Variants in AZI2 observed in about 807,000 individuals in gnomAD.
AZI2 encodes the protein 5-azacytidine-induced protein 2.
Under a neutral mutation model 45.8 loss-of-function variants are expected in AZI2, and 22 were observed. The observed-to-expected ratio is 0.48, with a 90% CI of 0.34 to 0.69. AZI2 has a LOEUF of 0.69. AZI2 is among the 30% of genes least tolerant of loss of function. The pLI, the probability that AZI2 is intolerant of heterozygous loss-of-function variation, is 0.01. For synonymous variants in AZI2, 137 were observed against 156.7 expected, an observed-to-expected ratio of 0.87 and a Z score of 0.94; for missense variants, 417 against 441.5, an observed-to-expected ratio of 0.94 and a Z score of 0.50.
intron 1 of AZI2, among the ~76,000 whole-genome samples, chr3:28,346,054 A>G (rs1704211628): frequency 6.6e-6 from 1 of 152,278 alleles, no homozygotes; most frequent in African/African-American, 2.4e-5. Context: ...ACAGCTAATC[A>G]GTGGCAAAGG....
Position 28,338,056 on chromosome 3 carries a change from G to T in AZI2, c.340-20C>A. On this transcript the variant is annotated intron_variant, in intron 3 of 7. Transcript: ENST00000479665. Reference sequence around the variant, plus strand: ...TTTATTCTAGTTAAGTAGGGAAAATGCCAAATTACATTCAATAAAATCTAC... The same window carrying T: ...TTTATTCTAGTTAAGTAGGGAAAATTCCAAATTACATTCAATAAAATCTAC... 1 of 1,388,744 alleles carries T rather than the reference G, an allele frequency of 7.2e-7. No homozygotes were observed. The highest frequency in any genetic ancestry group is 9.9e-7 in the Non-Finnish European group (1 of 1,007,270). The allele number at this position is 1,388,744 out of a possible 1,614,324, so 86.0% of individuals were successfully genotyped here. A position where few individuals can be genotyped will look rare whatever the true frequency, so the allele number is the denominator to read the frequency against.
chr3:28,327,330 C>A (rs1418339668), intron 6 of AZI2, among the ~76,000 whole-genome samples: 4 of 151,064 alleles, frequency 2.6e-5, no homozygotes. Context: ...AAGTTACATT[C>A]ATTCAAATAT....
chr3:28,329,758 T>C (rs1357752640), intron 6 of AZI2, among the ~76,000 whole-genome samples: 5 of 151,220 alleles, frequency 3.3e-5, no homozygotes, highest in African/African-American at 7.3e-5. Context: ...AGTGTGTATT[T>C]TGACAACTGC....
intron 1 of AZI2, chr3:28,341,634 C>G (rs1056616936): frequency 1.3e-5 from 2 of 151,954 alleles, no homozygotes; most frequent in Admixed American, 6.6e-5. Flanking sequence ...GTGGCTAAAA[C>G]CTTTTAAGAC....
At chr3:28,336,445 G>T (rs1703792219) in intron 5 of AZI2, among the ~76,000 whole-genome samples, 1 of 151,952 alleles carries the variant, frequency 6.6e-6, no homozygotes, top group African/African-American at 2.4e-5. Flanking sequence ...AAAGGAAATT[G>T]AAGGAAAGAG....
In AZI2 at chr3:28,339,267, C is replaced by T. The variant is rs906328254; in HGVS notation, c.217-652G>A. On this transcript the variant is annotated intron_variant, in intron 2 of 7. Coordinates refer to ENST00000479665, the MANE Select transcript of AZI2 (RefSeq NM_022461.5). Reference sequence around the variant, plus strand: ...GGCTGGAATTACAGGTGTGAGCCACCGTGCCCAGCCAAGGCATACTTGACT... The same window carrying T: ...GGCTGGAATTACAGGTGTGAGCCACTGTGCCCAGCCAAGGCATACTTGACT... 8.6e-5 allele frequency among the ~76,000 whole-genome samples: 13 copies of T among 151,920 alleles called. No homozygotes were observed. In the East Asian group the frequency reaches 2.1e-3, roughly 25 times the overall value.
chr3:28,343,023 A>C (rs950788924), intron 1 of AZI2, among the ~76,000 whole-genome samples: 2 of 152,108 alleles, frequency 1.3e-5, no homozygotes, highest in African/African-American at 2.4e-5. Flanking sequence ...GTTTTACACA[A>C]ACTTCTAACT....
At chr3:28,331,765 TTAGA>T in intron 6 of AZI2, 2 of 1,479,066 alleles carry the variant, frequency 1.4e-6, no homozygotes. Flanking sequence ...ACAACAATTA[TTAGA>T]TAGCTTAAAA....
At chr3:28,333,500 T>C (rs1274342212) in intron 5 of AZI2, among the ~76,000 whole-genome samples, 3 of 150,932 alleles carry the variant, frequency 2.0e-5, no homozygotes, top group Admixed American at 6.7e-5. Context: ...CCTTGTATCA[T>C]GAATTAAAAT....
chr3:28,340,579 A>T lies in AZI2; in HGVS notation c.39T>A (p.Asn13Lys). The T allele has an allele frequency of 6.2e-7, 1 of 1,612,938 alleles. No homozygotes were observed. Among genetic ancestry groups the T allele is most frequent in the South Asian group, 1.1e-5 (1 of 90,836 alleles). ...ALVEDDICIL[N>K]HEKAHKRDTV... ...TATCTCTCTTATGGGCTTTTTCATG[A>T]TTCAGAATACAGATATCATCTTCTA... Residue 13 changes from asparagine (N) to lysine (K), a missense_variant, in exon 2 of 8, where the codon AAT (asparagine) becomes AAA (lysine). Coordinates refer to ENST00000479665, the MANE Select transcript of AZI2 (RefSeq NM_022461.5).
At chr3:28,341,062 C>A (rs1703997279) in intron 1 of AZI2, among the ~76,000 whole-genome samples, 1 of 151,886 alleles carries the variant, frequency 6.6e-6, no homozygotes, top group African/African-American at 2.4e-5. Flanking sequence ...TTCAAAAGTT[C>A]TTTGAGTATA....
At chr3:28,334,326 C>T (rs1703707715) in intron 5 of AZI2, among the ~76,000 whole-genome samples, 1 of 151,840 alleles carries the variant, frequency 6.6e-6, no homozygotes, top group Admixed American at 6.6e-5. Flanking sequence ...CTCTCCTTGG[C>T]TTCCTCTCAG....
chr3:28,334,890 GT>G (rs1703727304), intron 5 of AZI2, among the ~76,000 whole-genome samples: 1 of 151,846 alleles, frequency 6.6e-6, no homozygotes, highest in African/African-American at 2.4e-5. Context: ...ATAACTGGCT[GT>G]GATTAATATA....
At chr3:28,335,917 G>A (rs937023241) in intron 5 of AZI2, among the ~76,000 whole-genome samples, 1 of 151,992 alleles carries the variant, frequency 6.6e-6, no homozygotes, top group African/African-American at 2.4e-5. Flanking sequence ...ATACATGAAT[G>A]CATAAAATGG....
chr3:28,345,519 A>C (rs1345523733), intron 1 of AZI2, among the ~76,000 whole-genome samples: 1 of 152,136 alleles, frequency 6.6e-6, no homozygotes, highest in East Asian at 1.9e-4. Flanking sequence ...TAAATATAAA[A>C]AGCGAATTAG....
At chr3:28,347,816 C>T (rs1704319123) in intron 1 of AZI2, among the ~76,000 whole-genome samples, 1 of 152,156 alleles carries the variant, frequency 6.6e-6, no homozygotes, top group South Asian at 2.1e-4. Context: ...TGAGATATGG[C>T]GTTTTTAGAG....
chr3:28,331,183 T>C (rs557826476), intron 6 of AZI2, among the ~76,000 whole-genome samples: 2 of 151,434 alleles, frequency 1.3e-5, no homozygotes, highest in African/African-American at 4.8e-5. Context: ...ACTATTTATA[T>C]AGCCCCTGTA....
In AZI2 at chr3:28,323,993, A is replaced by T; in HGVS notation, c.*49T>A. 6.6e-7 allele frequency: 1 copy of T among 1,518,748 alleles called. No homozygotes were observed. The highest frequency in any genetic ancestry group is 2.3e-5 in the East Asian group (1 of 44,068). 94.1% of individuals were successfully genotyped at this position (1,518,748 alleles called of 1,614,324 possible). A position where few individuals can be genotyped will look rare whatever the true frequency, so the allele number is the denominator to read the frequency against. On this transcript the variant is annotated 3_prime_UTR_variant, in exon 8 of 8. Coordinates refer to ENST00000479665, the MANE Select transcript of AZI2 (RefSeq NM_022461.5). ...TGTTAAATAATTTCTTGGGAGGACC[A>T]CTGAAAGAGATAAGTGTCCTCATGG...
At chr3:28,333,703 C>G (rs1246617750) in intron 5 of AZI2, among the ~76,000 whole-genome samples, 2 of 151,424 alleles carry the variant, frequency 1.3e-5, no homozygotes, top group African/African-American at 2.4e-5. Context: ...TTCAAAGACC[C>G]TTTTGTTGGC....
Sources: gnomAD v4.1 joint callset for allele counts (sites outside exome capture counted in the v4.1 genomes callset) on GRCh38, gnomAD v4.1.1 for gene constraint, MANE v1.5 for transcripts, NCBI Gene and HGNC (gene_info 2026-07-23, HGNC 2026-07-21) for gene names.